MACF1: variants seen among roughly 807,000 people sequenced by gnomAD.
MACF1 encodes microtubule actin crosslinking factor 1, also known as microtubule-actin cross-linking factor 1.
A neutral mutation model predicts 854.8 loss-of-function variants in MACF1; 193 were observed. The observed-to-expected ratio is 0.23, with a 90% CI of 0.20 to 0.25. The LOEUF is 0.25. Ranked by LOEUF, MACF1 falls within the 10% of genes least tolerant of loss-of-function variation. The pLI, the probability that MACF1 is intolerant of heterozygous loss-of-function variation, is 1.00. For missense variants in MACF1, 7,722 were observed against 8,929.1 expected, an observed-to-expected ratio of 0.86 and a Z score of 5.45; for synonymous variants, 3,185 against 3,226.7, an observed-to-expected ratio of 0.99 and a Z score of 0.44.
chr1:39,181,426 G>C (rs1009918255), intron 2 of MACF1, among the ~76,000 whole-genome samples: 1 of 152,172 alleles, frequency 6.6e-6, no homozygotes, highest in African/African-American at 2.4e-5. Flanking sequence ...CTGATCTATA[G>C]ATTCAATGCA....
In MACF1 at chr1:39,283,306, G is replaced by A; in HGVS notation, c.808+5G>A. ...CTCGCCTGCTGGATGCAGAAGGTGA[G>A]AGGGAGTTTACTGAACTTGAGTAAG... On this transcript the variant is annotated splice_donor_5th_base_variant and intron_variant, in intron 8 of 100. Coordinates refer to ENST00000564288, the MANE Select transcript of MACF1 (RefSeq NM_001394062.1). The surrounding 1 kb of genome is among the most constrained non-coding windows in gnomAD (Gnocchi z 4.5). 3 of 1,606,536 alleles carry A rather than the reference G, an allele frequency of 1.9e-6. No homozygotes were observed. Among genetic ancestry groups the A allele is most frequent in the South Asian group, 1.1e-5 (1 of 90,868 alleles).
intron 11 of MACF1, 84 bp from the exon 12 acceptor site, chr1:39,284,999 C>G: frequency 6.5e-7 from 1 of 1,538,250 alleles, no homozygotes; most frequent in Non-Finnish European, 8.9e-7. Flanking sequence ...GGTAAAGAAG[C>G]AAGAAGTGAT....
intron 97 of MACF1, among the ~76,000 whole-genome samples, chr1:39,472,085 TGGC>T (rs1644789408): frequency 1.3e-5 from 2 of 152,142 alleles, no homozygotes; most frequent in Admixed American, 6.5e-5. Flanking sequence ...GAACTTGAGG[TGGC>T]TGCCGTCATG....
At chr1:39,320,905 G>C (rs138866284) in intron 31 of MACF1, among the ~76,000 whole-genome samples, 1 of 152,148 alleles carries the variant, frequency 6.6e-6, no homozygotes, top group African/African-American at 2.4e-5. Flanking sequence ...GGGACATTGA[G>C]GCTATTGAGC....
At chr1:39,108,020 TG>T (rs1642291804) in intron 2 of MACF1, among the ~76,000 whole-genome samples, 2 of 151,502 alleles carry the variant, frequency 1.3e-5, no homozygotes, top group South Asian at 2.1e-4. Context: ...TAGTCAAGTA[TG>T]GGTTTTCCAG....
At chr1:39,227,962 A>G (rs1295802805) in intron 1 of MACF1, among the ~76,000 whole-genome samples, 3 of 152,194 alleles carry the variant, frequency 2.0e-5, no homozygotes, top group Non-Finnish European at 2.9e-5. Context: ...TCTTATGTTC[A>G]TGAGCACTCT....
chr1:39,221,892 T>C (rs1215563434), intron 1 of MACF1, among the ~76,000 whole-genome samples: 1 of 152,192 alleles, frequency 6.6e-6, no homozygotes, highest in African/African-American at 2.4e-5. Flanking sequence ...TCCCAAAACA[T>C]ACTGTGGGTC....
chr1:39,271,412 A>G (rs1002653300), intron 6 of MACF1, among the ~76,000 whole-genome samples: 2 of 152,198 alleles, frequency 1.3e-5, no homozygotes, highest in Non-Finnish European at 2.9e-5. Context: ...AACAGCACCA[A>G]GGGGATGGTG....
rs1645628866 is a variant in MACF1 at position 39,285,656 on chromosome 1, T to C, written c.1406T>C (p.Ile469Thr). ...CCGGTACAATGTGAGTCAGATGTCATTATGTACATTCAGGAGTGTGAAGGT... is the reference window on the plus strand; with the variant it reads ...CCGGTACAATGTGAGTCAGATGTCACTATGTACATTCAGGAGTGTGAAGGT... ...GQPVQCESDV[I>T]MYIQECEGLI... is the part of the protein sequence containing the mutation. The change falls in exon 14 of 101, where the codon ATT (isoleucine) becomes ACT (threonine). Residue 469 changes from isoleucine (I) to threonine (T), a missense_variant. Coordinates refer to ENST00000564288, the MANE Select transcript of MACF1 (RefSeq NM_001394062.1). 2 of 1,614,040 alleles carry C rather than the reference T, an allele frequency of 1.2e-6. No homozygotes were observed. The highest frequency in any genetic ancestry group is 1.7e-6 in the Non-Finnish European group (2 of 1,179,934).
At chr1:39,090,615 A>G (rs966528582) in intron 2 of MACF1, among the ~76,000 whole-genome samples, 1 of 152,252 alleles carries the variant, frequency 6.6e-6, no homozygotes, top group Non-Finnish European at 1.5e-5. Flanking sequence ...CCTAGGTGAC[A>G]TAGAGAAAGG....
chr1:39,467,088 C>T (rs1007188684), intron 95 of MACF1, among the ~76,000 whole-genome samples: 17 of 152,104 alleles, frequency 1.1e-4, no homozygotes, highest in Non-Finnish European at 7.4e-5. Context: ...AAATCCTGGC[C>T]GGGCGTGGTG....
intron 2 of MACF1, among the ~76,000 whole-genome samples, chr1:39,165,310 G>A (rs1259198279): frequency 6.6e-6 from 1 of 152,168 alleles, no homozygotes; most frequent in Admixed American, 6.5e-5. Context: ...GGTGAGGCCT[G>A]TCAACACCTT....
Position 39,336,136 on chromosome 1 carries a change from G to C in MACF1, c.9548G>C (p.Gly3183Ala). The change falls in exon 37 of 101, where the codon GGT becomes GCT. Residue 3183 changes from glycine to alanine, a missense_variant. Physicochemically the swap from Gly to Ala is moderately conservative, Grantham distance 60. This residue lies in a region of MACF1 where 854 missense variants were observed against 852.6 expected (regional missense o/e 1.00). Transcript: ENST00000564288. The part of the protein sequence containing the change: ...YQEVSFDPAR[G>A]LKLEEITVSR... ...GAAGTATCTTTTGACCCAGCAAGAG[G>C]TCTTAAATTGGAAGAAATCACAGTT... 1.2e-6 allele frequency: 2 copies of C among 1,614,110 alleles called. No homozygotes were observed. Among genetic ancestry groups the C allele is most frequent in the Non-Finnish European group, 1.7e-6 (2 of 1,180,020 alleles).
intron 22 of MACF1, among the ~76,000 whole-genome samples, chr1:39,301,690 G>A (rs375860615): frequency 2.0e-5 from 3 of 152,044 alleles, no homozygotes; most frequent in African/African-American, 7.2e-5. Flanking sequence ...CTCCCAAAGT[G>A]CTGGGATTAC....
chr1:39,334,746 A>T lies in MACF1; in HGVS notation c.8158A>T (p.Ile2720Phe). ...EKLVDENMVR[I>F]IASHQVLNGG... ...ACTGGTGGATGAAAACATGGTCAGA[A>T]TTATTGCATCTCATCAGGTGTTAAA... The change falls in exon 37 of 101, where the codon ATT becomes TTT. Residue 2720 changes from isoleucine to phenylalanine, a missense_variant. Transcript: ENST00000564288. 6.2e-7 allele frequency: 1 copy of T among 1,614,180 alleles called. No homozygotes were observed. Among genetic ancestry groups the T allele is most frequent in the Non-Finnish European group, 8.5e-7 (1 of 1,180,018 alleles).
rs751155875 is a variant in MACF1 at position 39,285,721 on chromosome 1, G to A, written c.1471G>A (p.Asp491Asn). The A allele has an allele frequency of 1.2e-6, 2 of 1,614,118 alleles. No homozygotes were observed. Among genetic ancestry groups the A allele is most frequent in the Non-Finnish European group, 1.7e-6 (2 of 1,180,016 alleles). Residue 491 changes from aspartate (D) to asparagine (N), a missense_variant, in exon 14 of 101, where the codon GAT becomes AAT. Physicochemically the swap from Asp to Asn is conservative, Grantham distance 23. Around this residue, in one of 15 missense-constraint regions of MACF1, gnomAD observed 1,137 missense variants for 1,263.0 expected, o/e 0.90. Coordinates refer to ENST00000564288, the MANE Select transcript of MACF1 (RefSeq NM_001394062.1). ...GCAGGTGGATCTCCAGATCCTGCGG[G>A]ATGAGAATTACTACCAGCTAGAAGA... is the stretch of plus-strand genomic sequence containing the variant. ...QLQVDLQILR[D>N]ENYYQLEELA...
At chr1:39,452,581 A>G (rs1203594582) in intron 86 of MACF1, 103 bp from the exon 87 acceptor site, 2 of 1,472,744 alleles carry the variant, frequency 1.4e-6, no homozygotes, top group East Asian at 2.3e-5. Context: ...TGATGAGGCC[A>G]TGAAATGTCT....
chr1:39,188,988 T>C (rs1448513272), intron 2 of MACF1, among the ~76,000 whole-genome samples: 2 of 152,212 alleles, frequency 1.3e-5, no homozygotes, highest in Non-Finnish European at 2.9e-5. Context: ...TCCACCTGCT[T>C]CGGCCTCCCA....
intron 2 of MACF1, among the ~76,000 whole-genome samples, chr1:39,193,193 G>C (rs1644277779): frequency 6.6e-6 from 1 of 151,924 alleles, no homozygotes; most frequent in Non-Finnish European, 1.5e-5. Context: ...CATAGACAGG[G>C]CTTCTTTTCT....
Sources: gnomAD v4.1 joint callset for allele counts (sites outside exome capture counted in the v4.1 genomes callset) on GRCh38, gnomAD v4.1.1 for gene constraint, gnomAD v4.1.1 regional missense constraint, Gnocchi (gnomAD v3.1) non-coding constraint, MANE v1.5 for transcripts, NCBI Gene and HGNC (gene_info 2026-07-23, HGNC 2026-07-21) for gene names.